The following NPBWR1 variants were observed in gnomAD, a reference collection of about 807,000 sequenced individuals.
The protein encoded by NPBWR1 is neuropeptides B/W receptor type 1.
A neutral mutation model predicts 2.8 loss-of-function variants in NPBWR1; 4 were observed. The ratio of observed to expected loss-of-function variants is 1.44; its 90% CI spans 0.71 to 3.29. NPBWR1 has a LOEUF of 3.29. Ranked by LOEUF, NPBWR1 falls within the 30% of genes most tolerant of loss-of-function variation. NPBWR1 has a pLI of 0.01. For missense variants in NPBWR1, 545 were observed against 462.5 expected (o/e 1.18, Z -1.64); for synonymous variants, 250 against 224.5 (o/e 1.11, Z -1.02).
At position 52,943,427 on chromosome 8, in the gene NPBWR1, G is replaced by A. The variant is rs1345408611; in HGVS notation, c.*2533G>A. The stretch of plus-strand genomic sequence containing the variant: ...ACGAGCATGTAGACTGTATATCTCA[G>A]GCTTCCTTTTTATGTCTTGGGTAAT... On this transcript the variant is annotated 3_prime_UTR_variant, in exon 2 of 2. Transcript: ENST00000674939. Among the ~76,000 whole-genome samples, 1 of 152,182 alleles carries A rather than the reference G, an allele frequency of 6.6e-6. No homozygotes were observed. Among genetic ancestry groups the A allele is most frequent in the Non-Finnish European group, 1.5e-5 (1 of 68,030 alleles).
Position 52,940,437 on chromosome 8 carries a change from C to T in NPBWR1, c.530C>T (p.Ala177Val), listed in dbSNP as rs1296535088. 4 of 1,595,164 alleles carry T rather than the reference C, an allele frequency of 2.5e-6. No individual in the cohort carries two copies. In the Admixed American group the frequency reaches 6.8e-5, roughly 27 times the overall value. Residue 177 changes from alanine (A) to valine (V), a missense_variant, in exon 2 of 2, where the codon GCC (alanine) becomes GTC (valine). By Grantham distance (64) the Ala-to-Val change is moderately conservative. Transcript: ENST00000674939. ...GTCGTGCTGCCCTTCGCAGTCTTCG[C>T]CCGGCTAGACGACGAGCAGGGCCGG... ...TLVVLPFAVF[A>V]RLDDEQGRRQ...
Position 52,940,553 on chromosome 8 carries a change from G to A in NPBWR1, c.646G>A (p.Val216Met). 6.3e-7 allele frequency: 1 copy of A among 1,597,834 alleles called. No homozygotes were observed. The highest frequency in any genetic ancestry group is 8.5e-7 in the Non-Finnish European group (1 of 1,174,762). The change falls in exon 2 of 2, where the codon GTG (valine) becomes ATG (methionine). Residue 216 changes from valine (V) to methionine (M), a missense_variant. Physicochemically the swap from Val to Met is conservative, Grantham distance 21. Transcript: ENST00000674939. ...YTLVLGFAIP[V>M]STICVLYTTL... is the part of the protein sequence containing the mutation. ...GCTCGTGCTGGGCTTCGCCATCCCC[G>A]TGTCCACCATCTGTGTCCTCTATAC...
chr8:52,940,966 G>T lies in NPBWR1; in HGVS notation c.*72G>T. ...GAGGGAGGAGCCGGCGCCAGAGTGC[G>T]GGACCAGACAGGCCGCCTAGGCCTC... On this transcript the variant is annotated 3_prime_UTR_variant, in exon 2 of 2. Coordinates refer to ENST00000674939, the MANE Select transcript of NPBWR1 (RefSeq NM_005285.5). The T allele has an allele frequency of 6.7e-7, 1 of 1,500,558 alleles. No individual in the cohort carries two copies. Among genetic ancestry groups the T allele is most frequent in the African/African-American group, 1.4e-5 (1 of 72,026 alleles). 93.0% of individuals were successfully genotyped at this position (1,500,558 alleles called of 1,614,324 possible). A position where few individuals can be genotyped will look rare whatever the true frequency, so the allele number is the denominator to read the frequency against.
Position 52,941,201 on chromosome 8 carries a change from G to T in NPBWR1, c.*307G>T, listed in dbSNP as rs1860193390. 3 of 411,896 alleles carry T rather than the reference G, an allele frequency of 7.3e-6. No individual in the cohort carries two copies. In the East Asian group the frequency reaches 1.4e-4, roughly 19 times the overall value. The allele number at this position is 411,896 out of a possible 1,614,324, so 25.5% of individuals were successfully genotyped here. A position where few individuals can be genotyped will look rare whatever the true frequency, so the allele number is the denominator to read the frequency against. ...GAGGAGGGCGGTATTGCTGGGAACC[G>T]CCCCCTCCCTGCCCTGCTCCCTGCT... On this transcript the variant is annotated 3_prime_UTR_variant, in exon 2 of 2. Transcript: ENST00000674939.
rs75387626 is a variant in NPBWR1, at chr8:52,940,600, T to G, written c.693T>G (p.His231Gln). 1.2e-6 allele frequency: 2 copies of G among 1,604,574 alleles called. No individual in the cohort carries two copies. Among genetic ancestry groups the G allele is most frequent in the Non-Finnish European group, 1.7e-6 (2 of 1,177,136 alleles). The change falls in exon 2 of 2, where the codon CAT (histidine) becomes CAG (glutamine). Residue 231 changes from histidine to glutamine, a missense_variant. Transcript: ENST00000674939. ...VLYTTLLCRL[H>Q]AMRLDSHAKA... ...ATACCACCCTGCTGTGCCGGCTGCA[T>G]GCCATGCGGCTGGACAGCCACGCCA...
At position 52,941,854 on chromosome 8, in the gene NPBWR1, G is replaced by C. The variant is rs573166576; in HGVS notation, c.*960G>C. On this transcript the variant is annotated 3_prime_UTR_variant, in exon 2 of 2. Transcript: ENST00000674939. ...TTGTGGTGGAGCACTCCGGCTGAGC[G>C]CGCTTCACAGCGCTGTGGCACACTG... is the stretch of plus-strand genomic sequence containing the variant. 4.6e-5 allele frequency among the ~76,000 whole-genome samples: 7 copies of C among 152,332 alleles called. No homozygotes were observed. The highest frequency in any genetic ancestry group is 1.9e-4 in the East Asian group (1 of 5,156).
In NPBWR1 at chr8:52,940,749, A is replaced by G. The variant is rs1197758591; in HGVS notation, c.842A>G (p.Gln281Arg). The G allele has an allele frequency of 1.2e-6, 2 of 1,613,998 alleles. No homozygotes were observed. The highest frequency in any genetic ancestry group is 3.3e-5 in the Admixed American group (2 of 60,018). ...TVVALTTDLP[Q>R]TPLVIAISYF... Reference sequence around the variant, plus strand: ...GTGGCGCTCACCACCGACCTCCCGCAGACGCCGCTGGTCATCGCTATCTCC... The same window carrying G: ...GTGGCGCTCACCACCGACCTCCCGCGGACGCCGCTGGTCATCGCTATCTCC... The change falls in exon 2 of 2, where the codon CAG becomes CGG. Residue 281 changes from glutamine (Q) to arginine (R), a missense_variant. Physicochemically the swap from Gln to Arg is conservative, Grantham distance 43. Coordinates refer to ENST00000674939, the MANE Select transcript of NPBWR1 (RefSeq NM_005285.5).
Position 52,940,881 on chromosome 8 carries a change from G to T in NPBWR1, c.974G>T (p.Arg325Leu). 1.9e-6 allele frequency: 3 copies of T among 1,603,182 alleles called. No homozygotes were observed. The highest frequency in any genetic ancestry group is 1.7e-6 in the Non-Finnish European group (2 of 1,174,568). ...RRNLRQLITCRAAA is the reference protein window; with the variant it reads ...RRNLRQLITCLAAA ...AACCTCCGCCAGCTGATAACTTGCC[G>T]CGCGGCAGCCTGACTCCCCCAGCGT... Residue 325 changes from arginine (R) to leucine (L), a missense_variant, in exon 2 of 2, where the codon CGC becomes CTC. Coordinates refer to ENST00000674939, the MANE Select transcript of NPBWR1 (RefSeq NM_005285.5).
At position 52,941,147 on chromosome 8, in the gene NPBWR1, A is replaced by T. The variant is rs1236130251; in HGVS notation, c.*253A>T. ...GATCGCCACACTGAGGGCTCCCTAA[A>T]GCCGAGGTGGAGGAAGAGGAGGGTA... On this transcript the variant is annotated 3_prime_UTR_variant, in exon 2 of 2. Transcript: ENST00000674939. 1.8e-6 allele frequency: 1 copy of T among 565,702 alleles called. No individual in the cohort carries two copies. Among genetic ancestry groups the T allele is most frequent in the Non-Finnish European group, 3.1e-6 (1 of 321,944 alleles). 35.0% of individuals were successfully genotyped at this position (565,702 alleles called of 1,614,324 possible).
chr8:52,940,747 G>A lies in NPBWR1; in HGVS notation c.840G>A (p.Pro280=). 3 of 1,613,950 alleles carry A rather than the reference G, an allele frequency of 1.9e-6. No individual in the cohort carries two copies. Among genetic ancestry groups the A allele is most frequent in the African/African-American group, 1.3e-5 (1 of 75,050 alleles). ...STVVALTTDL[P]QTPLVIAISY... ...TGGTGGCGCTCACCACCGACCTCCC[G>A]CAGACGCCGCTGGTCATCGCTATCT... Residue 280 remains proline (P), a synonymous_variant, in exon 2 of 2, where the codon CCG becomes CCA. Coordinates refer to ENST00000674939, the MANE Select transcript of NPBWR1 (RefSeq NM_005285.5).
At position 52,940,029 on chromosome 8, in the gene NPBWR1, C is replaced by T; in HGVS notation, c.122C>T (p.Pro41Leu). The change falls in exon 2 of 2, where the codon CCA becomes CTA. Residue 41 changes from proline to leucine, a missense_variant. Coordinates refer to ENST00000674939, the MANE Select transcript of NPBWR1 (RefSeq NM_005285.5). ...PLPAPLAVAVPVVYAVICAVG... is the reference protein window; with the variant it reads ...PLPAPLAVAVLVVYAVICAVG... ...CCGGCGCCGCTGGCGGTGGCTGTAC[C>T]AGTTGTCTACGCGGTGATCTGCGCC... 3 of 1,606,640 alleles carry T rather than the reference C, an allele frequency of 1.9e-6. No individual in the cohort carries two copies. The highest frequency in any genetic ancestry group is 2.5e-6 in the Non-Finnish European group (3 of 1,179,850).
rs1356678560 is a variant in NPBWR1, at chr8:52,942,439, T to G, written c.*1545T>G. On this transcript the variant is annotated 3_prime_UTR_variant, in exon 2 of 2. Coordinates refer to ENST00000674939, the MANE Select transcript of NPBWR1 (RefSeq NM_005285.5). ...AGCAAAGTCTGGTAATTGATTATGGTGTTTTAAAAGGTATTAATCTTTAGG... is the reference window on the plus strand; with the variant it reads ...AGCAAAGTCTGGTAATTGATTATGGGGTTTTAAAAGGTATTAATCTTTAGG... Among the ~76,000 whole-genome samples, 1 of 152,214 alleles carries G rather than the reference T, an allele frequency of 6.6e-6. No homozygotes were observed. Among genetic ancestry groups the G allele is most frequent in the African/African-American group, 2.4e-5 (1 of 41,450 alleles).
rs1802905926 is a variant in NPBWR1 at position 52,942,832 on chromosome 8, G to T, written c.*1938G>T. Among the ~76,000 whole-genome samples, 1 of 152,196 alleles carries T rather than the reference G, an allele frequency of 6.6e-6. No individual in the cohort carries two copies. Among genetic ancestry groups the T allele is most frequent in the African/African-American group, 2.4e-5 (1 of 41,430 alleles). ...TTAAAAGAAAGTTTTCATCTACAAT[G>T]AGTTTCGAGTGGTGGACCTCATGGC... On this transcript the variant is annotated 3_prime_UTR_variant, in exon 2 of 2. Coordinates refer to ENST00000674939, the MANE Select transcript of NPBWR1 (RefSeq NM_005285.5).
In NPBWR1 at chr8:52,940,815, A is replaced by C. The variant is rs772631268; in HGVS notation, c.908A>C (p.Asn303Thr). ...TSLSYANSCL[N>T]PFLYAFLDAS... ...CTGAGCTACGCCAACAGCTGCCTCA[A>C]CCCCTTCCTCTACGCCTTCCTGGAC... is the stretch of plus-strand genomic sequence containing the variant. Residue 303 changes from asparagine to threonine, a missense_variant, in exon 2 of 2, where the codon AAC becomes ACC. Physicochemically the swap from Asn to Thr is moderately conservative, Grantham distance 65. Transcript: ENST00000674939. 1 of 1,613,678 alleles carries C rather than the reference A, an allele frequency of 6.2e-7. No individual in the cohort carries two copies. The highest frequency in any genetic ancestry group is 8.5e-7 in the Non-Finnish European group (1 of 1,179,924).
rs534749904 is a variant in NPBWR1, at chr8:52,940,076, G to A, written c.169G>A (p.Ala57Thr). Residue 57 changes from alanine to threonine, a missense_variant, in exon 2 of 2, where the codon GCC becomes ACC. Ala to Thr is a moderately conservative substitution (Grantham distance 58). Coordinates refer to ENST00000674939, the MANE Select transcript of NPBWR1 (RefSeq NM_005285.5). ...CGCCGTGGGTCTGGCGGGCAACTCC[G>A]CCGTGCTGTACGTGTTGCTGCGGGC... ...ICAVGLAGNSAVLYVLLRAPR... is the reference protein window; with the variant it reads ...ICAVGLAGNSTVLYVLLRAPR... 6.1e-5 allele frequency: 98 copies of A among 1,610,760 alleles called. 1 individual carries two copies. In the South Asian group the frequency reaches 1.0e-3, roughly 17 times the overall value.
rs951102430 is a variant in NPBWR1 at position 52,941,748 on chromosome 8, C to A, written c.*854C>A. On this transcript the variant is annotated 3_prime_UTR_variant, in exon 2 of 2. Transcript: ENST00000674939. ...TGTCAGACTCCCGGAGCAAGGAACC[C>A]GGAGTAGCCCGGGCGCGCGGTTCCG... 6.6e-6 allele frequency among the ~76,000 whole-genome samples: 1 copy of A among 152,232 alleles called. No individual in the cohort carries two copies. The highest frequency in any genetic ancestry group is 1.5e-5 in the Non-Finnish European group (1 of 68,038).
At position 52,940,259 on chromosome 8, in the gene NPBWR1, T is replaced by C. The variant is rs1279471545; in HGVS notation, c.352T>C (p.Tyr118His). 3.1e-6 allele frequency: 5 copies of C among 1,613,594 alleles called. No homozygotes were observed. The South Asian group carries it at 5.5e-5, about 18-fold the overall frequency. The change falls in exon 2 of 2, where the codon TAC becomes CAC. Residue 118 changes from tyrosine (Y) to histidine (H), a missense_variant. Coordinates refer to ENST00000674939, the MANE Select transcript of NPBWR1 (RefSeq NM_005285.5). ...CAAGCTCATCGTGGCTATCGACCAG[T>C]ACAACACCTTCTCCAGCCTCTACTT... ...MCKLIVAIDQ[Y>H]NTFSSLYFLT...
In NPBWR1 at chr8:52,940,602, C is replaced by T; in HGVS notation, c.695C>T (p.Ala232Val). 2 of 1,604,866 alleles carry T rather than the reference C, an allele frequency of 1.2e-6. No individual in the cohort carries two copies. Among genetic ancestry groups the T allele is most frequent in the South Asian group, 1.1e-5 (1 of 90,206 alleles). ...ACCACCCTGCTGTGCCGGCTGCATG[C>T]CATGCGGCTGGACAGCCACGCCAAG... ...LYTTLLCRLH[A>V]MRLDSHAKAL... The change falls in exon 2 of 2, where the codon GCC (alanine) becomes GTC (valine). Residue 232 changes from alanine (A) to valine (V), a missense_variant. Physicochemically the swap from Ala to Val is moderately conservative, Grantham distance 64. Coordinates refer to ENST00000674939, the MANE Select transcript of NPBWR1 (RefSeq NM_005285.5).
Position 52,941,005 on chromosome 8 carries a change from C to A in NPBWR1, c.*111C>A. ...CGCCTAGGCCTCCTGGGGAAACCGACTCGCGCCCCATACCCGACCTAGCAG... is the reference window on the plus strand; with the variant it reads ...CGCCTAGGCCTCCTGGGGAAACCGAATCGCGCCCCATACCCGACCTAGCAG... On this transcript the variant is annotated 3_prime_UTR_variant, in exon 2 of 2. Transcript: ENST00000674939. 7.2e-7 allele frequency: 1 copy of A among 1,381,564 alleles called. No individual in the cohort carries two copies. Among genetic ancestry groups the A allele is most frequent in the Non-Finnish European group, 9.5e-7 (1 of 1,047,906 alleles). The allele number at this position is 1,381,564 out of a possible 1,614,324, so 85.6% of individuals were successfully genotyped here.
Sources: gnomAD v4.1 joint callset for allele counts (sites outside exome capture counted in the v4.1 genomes callset) on GRCh38, gnomAD v4.1.1 for gene constraint, MANE v1.5 for transcripts, NCBI Gene and HGNC (gene_info 2026-07-23, HGNC 2026-07-21) for gene names.